AGXT2: variants seen among roughly 807,000 people sequenced by gnomAD.
AGXT2 encodes alanine--glyoxylate aminotransferase 2, mitochondrial.
In AGXT2, 61 loss-of-function variants were observed where a neutral mutation model predicts 62.5. The observed-to-expected ratio is 0.98, with a 90% confidence interval of 0.79 to 1.21. AGXT2 has a LOEUF of 1.21. Ranked by LOEUF, AGXT2 falls within the 50% of genes most tolerant of loss-of-function variation. The pLI is 0.00. For synonymous variants in AGXT2, 243 were observed against 218.7 expected, an observed-to-expected ratio of 1.11 and a Z score of -0.98; for missense variants, 666 against 641.5, an observed-to-expected ratio of 1.04 and a Z score of -0.41.
At chr5:35,023,006 A>ATT (rs570613982) in intron 9 of AGXT2, among the ~76,000 whole-genome samples, 1 of 147,776 alleles carries the variant, frequency 6.8e-6, no homozygotes, top group Admixed American at 6.8e-5. Flanking sequence ...TCTTCTGCAA[A>ATT]TTTTTTTTTT....
chr5:35,033,631 G>C, intron 5 of AGXT2, 78 bp from the exon 6 acceptor site: 1 of 1,130,078 alleles, frequency 8.8e-7, no homozygotes, highest in Non-Finnish European at 1.3e-6. Flanking sequence ...ACCCAGGAAG[G>C]CTATGAAGAT....
At chr5:35,032,660 G>T in intron 7 of AGXT2, 72 bp downstream of exon 7, 1 of 1,304,572 alleles carries the variant, frequency 7.7e-7, no homozygotes, top group East Asian at 2.5e-5. Flanking sequence ...TTCCCTCAGG[G>T]ATGGGTCTGC....
In AGXT2 at chr5:35,003,750, G is replaced by C. The variant is rs1047436606; in HGVS notation, c.1437+13C>G. 1 of 1,609,562 alleles carries C rather than the reference G, an allele frequency of 6.2e-7. No individual in the cohort carries two copies. Among genetic ancestry groups the C allele is most frequent in the Non-Finnish European group, 8.5e-7 (1 of 1,176,016 alleles). On this transcript the variant is annotated intron_variant, in intron 13 of 13. Transcript: ENST00000231420. ...TACCTAGAGCGATAGGTAAAAACCA[G>C]TCTTTCTCTTACCTGAGAAAAAATG...
At chr5:35,034,566 C>T (rs1031021543) in intron 5 of AGXT2, among the ~76,000 whole-genome samples, 5 of 152,196 alleles carry the variant, frequency 3.3e-5, no homozygotes, top group Admixed American at 2.0e-4. Context: ...ATTAACTTTA[C>T]AGGAGTCTGT....
chr5:35,014,011 T>C lies in AGXT2; in HGVS notation c.1072A>G (p.Met358Val), dbSNP rs1766748623. ...CCTGGAGTGGTTATGACTGCTGCCA[T>C]GGGAAAGCCATTCCCAATCCCTTTA... ...MAKGIGNGFP[M>V]AAVITTPEIA... The change falls in exon 10 of 14, where the codon ATG becomes GTG. Residue 358 changes from methionine to valine, a missense_variant. By Grantham distance (21) the Met-to-Val change is conservative. Coordinates refer to ENST00000231420, the MANE Select transcript of AGXT2 (RefSeq NM_031900.4). 2 of 1,613,968 alleles carry C rather than the reference T, an allele frequency of 1.2e-6. No individual in the cohort carries two copies. The highest frequency in any genetic ancestry group is 1.7e-6 in the Non-Finnish European group (2 of 1,180,022).
chr5:35,015,968 A>T (rs1334395957), intron 9 of AGXT2, among the ~76,000 whole-genome samples: 1 of 151,980 alleles, frequency 6.6e-6, no homozygotes, highest in African/African-American at 2.4e-5. Context: ...AGAAGAGCTT[A>T]ACCTGGGAGT....
intron 12 of AGXT2, among the ~76,000 whole-genome samples, chr5:35,004,949 C>G (rs1766368141): frequency 6.6e-6 from 1 of 152,190 alleles, no homozygotes; most frequent in African/African-American, 2.4e-5. Flanking sequence ...GCATTTTGTT[C>G]TGTCTTAAAG....
At chr5:35,035,451 C>A (rs1767726463) in intron 4 of AGXT2, 135 bp from the exon 5 acceptor site, 1 of 732,922 alleles carries the variant, frequency 1.4e-6, no homozygotes, top group East Asian at 2.5e-5. Flanking sequence ...GGTTACCCAG[C>A]AGTTCCATCA....
intron 7 of AGXT2, among the ~76,000 whole-genome samples, chr5:35,029,925 A>G (rs1415217482): frequency 2.6e-5 from 4 of 152,196 alleles, no homozygotes; most frequent in Non-Finnish European, 2.9e-5. Context: ...GTTGGGAGGG[A>G]TGACATATTT....
intron 4 of AGXT2, among the ~76,000 whole-genome samples, chr5:35,035,802 T>A (rs1187762142): frequency 6.6e-6 from 1 of 152,034 alleles, no homozygotes; most frequent in Admixed American, 6.6e-5. Context: ...ACAAGCCGGG[T>A]GCGGTGGCTC....
chr5:35,005,120 A>G (rs1474083852), intron 12 of AGXT2, among the ~76,000 whole-genome samples: 3 of 152,216 alleles, frequency 2.0e-5, no homozygotes, highest in African/African-American at 7.2e-5. Context: ...ATTTAGGGCT[A>G]AACTGTGAGA....
At chr5:35,044,377 GC>G (rs751106099) in intron 1 of AGXT2, among the ~76,000 whole-genome samples, 16 of 152,322 alleles carry the variant, frequency 1.1e-4, no homozygotes, top group Non-Finnish European at 1.8e-4. Flanking sequence ...GCAGCACGCT[GC>G]TGAGGACCCT....
In AGXT2 at chr5:34,998,384, G is replaced by T. The variant is rs1766108270; in HGVS notation, c.*335C>A. 6.2e-6 allele frequency: 2 copies of T among 322,492 alleles called. No individual in the cohort carries two copies. 20.0% of individuals were successfully genotyped at this position (322,492 alleles called of 1,614,324 possible). ...TTCCCTGAAGGCACCTCCACCAAAA[G>T]ATTTTTCTTCAAGATTCACTGGACA... is the stretch of plus-strand genomic sequence containing the variant. On this transcript the variant is annotated 3_prime_UTR_variant, in exon 14 of 14. Coordinates refer to ENST00000231420, the MANE Select transcript of AGXT2 (RefSeq NM_031900.4).
intron 4 of AGXT2, 72 bp from the exon 5 acceptor site, chr5:35,035,388 G>C (rs1767724034): frequency 7.6e-7 from 1 of 1,314,090 alleles, no homozygotes; most frequent in African/African-American, 1.4e-5. Flanking sequence ...AATTGCTGAA[G>C]GGCAGGTGTC....
chr5:35,023,121 T>C (rs2112234275), intron 9 of AGXT2, among the ~76,000 whole-genome samples: 1 of 147,990 alleles, frequency 6.8e-6, no homozygotes, highest in Admixed American at 6.8e-5. Flanking sequence ...ATATTCTTTG[T>C]CTTATTTGCT....
chr5:35,044,874 G>A (rs556065081), intron 1 of AGXT2, among the ~76,000 whole-genome samples: 2 of 152,330 alleles, frequency 1.3e-5, no homozygotes, highest in South Asian at 4.1e-4. Context: ...CTGGAGGGGT[G>A]TAGATGGGAG....
At chr5:35,014,452 CAAAAAAA>C (rs61052930) in intron 9 of AGXT2, among the ~76,000 whole-genome samples, 1 of 86,258 alleles carries the variant, frequency 1.2e-5, no homozygotes, top group South Asian at 4.9e-4. Context: ...GACTCCATCT[CAAAAAAA>C]AAAAAAAAAA....
At chr5:35,047,392 A>G (rs1282534493) in intron 1 of AGXT2, among the ~76,000 whole-genome samples, 2 of 152,158 alleles carry the variant, frequency 1.3e-5, no homozygotes, top group Non-Finnish European at 2.9e-5. Context: ...GCAGTGAACC[A>G]TGATCACACC....
intron 7 of AGXT2, among the ~76,000 whole-genome samples, chr5:35,031,081 C>A (rs925426246): frequency 6.6e-6 from 1 of 152,172 alleles, no homozygotes; most frequent in South Asian, 2.1e-4. Flanking sequence ...TCATGCAGCT[C>A]CTCAGTCCTG....
Sources: gnomAD v4.1 joint callset for allele counts (sites outside exome capture counted in the v4.1 genomes callset) on GRCh38, gnomAD v4.1.1 for gene constraint, MANE v1.5 for transcripts, NCBI Gene and HGNC (gene_info 2026-07-23, HGNC 2026-07-21) for gene names.